The following SMPD4 variants were observed in gnomAD, a reference collection of about 807,000 sequenced individuals.
SMPD4 encodes sphingomyelin phosphodiesterase 4.
SMPD4 carries 58 observed loss-of-function variants against 97.8 expected under a neutral mutation model. The observed-to-expected ratio is 0.59, with a 90% CI of 0.48 to 0.74. The LOEUF (loss-of-function observed/expected upper bound fraction) is 0.74. Among genes scored for constraint, SMPD4 ranks in the 30% least tolerant of loss-of-function variants. The pLI, the probability that SMPD4 is intolerant of heterozygous loss-of-function variation, is 0.00. For missense variants in SMPD4, 853 were observed against 1,080.5 expected (o/e 0.79, Z 2.95); for synonymous variants, 388 against 450.0 (o/e 0.86, Z 1.74).
intron 1 of SMPD4, among the ~76,000 whole-genome samples, chr2:130,177,982 T>C (rs1040345711): frequency 6.6e-6 from 1 of 152,192 alleles, no homozygotes; most frequent in African/African-American, 2.4e-5. Flanking sequence ...CCTAAGTTAG[T>C]GGACCTTAAG....
chr2:130,153,555 C>T lies in SMPD4; in HGVS notation c.1894-105G>A, dbSNP rs947261953. The T allele has an allele frequency of 1.8e-5, 29 of 1,580,440 alleles. 1 individual carries two copies. Among genetic ancestry groups the T allele is most frequent in the Middle Eastern group, 2.0e-4 (1 of 5,110 alleles). On this transcript the variant is annotated intron_variant, in intron 17 of 19. Transcript: ENST00000680298. ...TGGCAACAAGGGGACCCAGCTATGACGCTCGGGGTGTGGGCCTGCCTCCCA... is the reference window on the plus strand; with the variant it reads ...TGGCAACAAGGGGACCCAGCTATGATGCTCGGGGTGTGGGCCTGCCTCCCA...
In SMPD4 at chr2:130,152,630, C is replaced by T. The variant is rs1198309279; in HGVS notation, c.2409G>A (p.Leu803=). The T allele has an allele frequency of 3.9e-6, 6 of 1,556,970 alleles. No individual in the cohort carries two copies. The highest frequency in any genetic ancestry group is 5.2e-6 in the Non-Finnish European group (6 of 1,150,992). ...FCVGPLPCTL[L]LTLGYVLYAS... ...CGTAGAGGACATAGCCCAGGGTGAG[C>T]AGCAGCGTGCATGGGAGGGGCCCGA... Residue 803 remains leucine (L), a synonymous_variant, in exon 20 of 20, where the codon CTG becomes CTA. Transcript: ENST00000680298.
At chr2:130,155,350 C>G (rs1010511352) in intron 14 of SMPD4, 91 bp from the exon 15 acceptor site, 1 of 1,523,640 alleles carries the variant, frequency 6.6e-7, no homozygotes, top group African/African-American at 1.4e-5. Context: ...CTTGCTCACC[C>G]TTGGGCTTTC....
At chr2:130,163,719 C>T (rs560841559) in intron 10 of SMPD4, among the ~76,000 whole-genome samples, 2 of 152,346 alleles carry the variant, frequency 1.3e-5, no homozygotes, top group Admixed American at 1.3e-4. Context: ...TCACTCTGAC[C>T]GGTCCAGGGG....
chr2:130,161,785 AAG>A (rs1318254008), intron 10 of SMPD4, among the ~76,000 whole-genome samples: 1 of 152,198 alleles, frequency 6.6e-6, no homozygotes, highest in Non-Finnish European at 1.5e-5. Flanking sequence ...AGGCTCAGAA[AAG>A]AAACCAGCGG....
intron 10 of SMPD4, among the ~76,000 whole-genome samples, chr2:130,163,113 C>T (rs916520051): frequency 5.3e-5 from 8 of 152,366 alleles, no homozygotes; most frequent in East Asian, 1.9e-4. Context: ...GAACACAATG[C>T]GGTGCAGTGG....
intron 9 of SMPD4, among the ~76,000 whole-genome samples, chr2:130,165,398 C>G (rs1478952169): frequency 6.6e-6 from 1 of 151,006 alleles, no homozygotes; most frequent in East Asian, 1.9e-4. Flanking sequence ...TCCACTCCAA[C>G]CTGGGCAACA....
intron 11 of SMPD4, chr2:130,159,649 A>G: frequency 6.5e-6 from 1 of 152,986 alleles, no homozygotes; most frequent in Non-Finnish European, 1.5e-5. Flanking sequence ...AAAAAAAAAA[A>G]AAAAAGACAG....
In SMPD4 at chr2:130,151,888, C is replaced by T. The variant is rs1181365947; in HGVS notation, c.*667G>A. On this transcript the variant is annotated 3_prime_UTR_variant, in exon 20 of 20. Transcript: ENST00000680298. ...CAGGGGTCCGCGATGTTGGCCACTG[C>T]TTTGGGTGATGTGCTCAATGGCTTG... The T allele has an allele frequency of 6.6e-6, 1 of 152,534 alleles. No individual in the cohort carries two copies. The highest frequency in any genetic ancestry group is 1.5e-5 in the Non-Finnish European group (1 of 68,116). 9.4% of individuals were successfully genotyped at this position (152,534 alleles called of 1,614,324 possible).
At chr2:130,180,882 C>G (rs1381459455) in intron 1 of SMPD4, among the ~76,000 whole-genome samples, 1 of 152,194 alleles carries the variant, frequency 6.6e-6, no homozygotes, top group Non-Finnish European at 1.5e-5. Flanking sequence ...GCCATGGCCA[C>G]CCTCCCCCGT....
At chr2:130,171,967 C>A (rs538322968) in intron 8 of SMPD4, among the ~76,000 whole-genome samples, 1 of 152,340 alleles carries the variant, frequency 6.6e-6, no homozygotes, top group East Asian at 1.9e-4. Flanking sequence ...CAGGGCCTCC[C>A]CTTCAAGATC....
At chr2:130,173,973 A>G in intron 3 of SMPD4, among the ~76,000 whole-genome samples, 1 of 48,502 alleles carries the variant, frequency 2.1e-5, no homozygotes, top group Middle Eastern at 7.7e-3. Context: ...AAATAAATTT[A>G]AAAAAAAACA....
chr2:130,153,560 G>A (rs1042897322), intron 17 of SMPD4, 110 bp from the exon 18 acceptor site: 94 of 1,577,620 alleles, frequency 6.0e-5, no homozygotes, highest in Non-Finnish European at 7.6e-5. Context: ...TATGACGCTC[G>A]GGGTGTGGGC....
chr2:130,154,216 G>A (rs564567863), intron 16 of SMPD4, 61 bp downstream of exon 16: 22 of 1,501,488 alleles, frequency 1.5e-5, no homozygotes, highest in Admixed American at 4.4e-5. Flanking sequence ...AGCACTTCCC[G>A]GGTTCTGCTC....
intron 10 of SMPD4, among the ~76,000 whole-genome samples, chr2:130,162,176 A>G (rs1221291791): frequency 1.3e-5 from 2 of 152,248 alleles, no homozygotes; most frequent in Admixed American, 1.3e-4. Flanking sequence ...GGATCTGGCC[A>G]CAGCCACACA....
In SMPD4 at chr2:130,172,494, G is replaced by C; in HGVS notation, c.514C>G (p.Pro172Ala). 1 of 1,611,328 alleles carries C rather than the reference G, an allele frequency of 6.2e-7. No homozygotes were observed. Among genetic ancestry groups the C allele is most frequent in the Non-Finnish European group, 8.5e-7 (1 of 1,178,086 alleles). ...GAAGTACGGACGTGGAGGGACACAG[G>C]AAGTGGCTGGAAAACCAAGCTAGTT... Reference protein sequence around the residue: ...ALSLITQKPLPVSLHVRTSDC... With the variant: ...ALSLITQKPLAVSLHVRTSDC... Residue 172 changes from proline to alanine, a missense_variant, in exon 8 of 20, where the codon CCT becomes GCT. Pro to Ala is a conservative substitution (Grantham distance 27). Around this residue, in one of 3 missense-constraint regions of SMPD4, gnomAD observed 313 missense variants for 402.2 expected, o/e 0.78. Coordinates refer to ENST00000680298, the MANE Select transcript of SMPD4 (RefSeq NM_017951.5).
At position 130,153,873 on chromosome 2, in the gene SMPD4, C is replaced by G. The variant is rs1343839289; in HGVS notation, c.1722G>C (p.Gln574His). The G allele has an allele frequency of 6.2e-7, 1 of 1,613,896 alleles. No homozygotes were observed. The highest frequency in any genetic ancestry group is 8.5e-7 in the Non-Finnish European group (1 of 1,179,870). The change falls in exon 17 of 20, where the codon CAG (glutamine) becomes CAC (histidine). Residue 574 changes from glutamine to histidine, a missense_variant. Gln to His is a conservative substitution (Grantham distance 24). Transcript: ENST00000680298. ...AKHTAKSISDQCAESPAGHSF... is the reference protein window; with the variant it reads ...AKHTAKSISDHCAESPAGHSF... ...AGTGGCCAGCCGGGCTCTCCGCACA[C>G]TGGTCGGAGATGGACTTGGCTGTGT...
At position 130,154,629 on chromosome 2, in the gene SMPD4, A is replaced by C. The variant is rs533491841; in HGVS notation, c.1454-147T>G. On this transcript the variant is annotated intron_variant, in intron 15 of 19. Coordinates refer to ENST00000680298, the MANE Select transcript of SMPD4 (RefSeq NM_017951.5). ...GAGGCCCTGCCTGGCAGCATCTCCC[A>C]CACAGTAGGTGGCTGACATGGGGAG... The C allele has an allele frequency of 1.9e-5, 21 of 1,103,110 alleles. 1 individual carries two copies. The East Asian group carries it at 5.2e-4, about 27-fold the overall frequency. The allele number at this position is 1,103,110 out of a possible 1,614,324, so 68.3% of individuals were successfully genotyped here. A position where few individuals can be genotyped will look rare whatever the true frequency, so the allele number is the denominator to read the frequency against.
At position 130,167,977 on chromosome 2, in the gene SMPD4, G is replaced by A. The variant is rs1434286563; in HGVS notation, c.660-387C>T. ...GCACCTTGGGAGACCAAGGCAGGAG[G>A]ATTTCTTGAGGCCAGGCATTTGAGA... is the stretch of plus-strand genomic sequence containing the variant. On this transcript the variant is annotated intron_variant, in intron 8 of 19. Coordinates refer to ENST00000680298, the MANE Select transcript of SMPD4 (RefSeq NM_017951.5). Among the ~76,000 whole-genome samples, 2 of 152,170 alleles carry A rather than the reference G, an allele frequency of 1.3e-5. 1 individual carries two copies. The highest frequency in any genetic ancestry group is 2.9e-5 in the Non-Finnish European group (2 of 68,038).
Sources: gnomAD v4.1 joint callset for allele counts (sites outside exome capture counted in the v4.1 genomes callset) on GRCh38, gnomAD v4.1.1 for gene constraint, gnomAD v4.1.1 regional missense constraint, MANE v1.5 for transcripts, NCBI Gene and HGNC (gene_info 2026-07-23, HGNC 2026-07-21) for gene names.